TRPA1: variants seen among roughly 807,000 people sequenced by gnomAD.
TRPA1 encodes the protein transient receptor potential cation channel subfamily A member 1, also known as ankyrin-like with transmembrane domains 1.
Under a neutral mutation model 131.3 loss-of-function variants are expected in TRPA1, and 129 were observed. The ratio of observed to expected loss-of-function variants is 0.98; its 90% CI spans 0.85 to 1.14. TRPA1 has a LOEUF of 1.14. Among genes scored for constraint, TRPA1 ranks in the 50% most tolerant of loss-of-function variants. The probability of loss-of-function intolerance (pLI) is 0.00; values close to 1 mark genes in which losing one functional copy is unlikely to be tolerated. For synonymous variants in TRPA1, 441 were observed against 451.7 expected (o/e 0.98, Z 0.30); for missense variants, 1,304 against 1,354.2 (o/e 0.96, Z 0.58).
intron 14 of TRPA1, among the ~76,000 whole-genome samples, chr8:72,052,249 A>G (rs950647314): frequency 3.3e-5 from 5 of 152,082 alleles, no homozygotes; most frequent in African/African-American, 1.2e-4. Context: ...AGGTGAAACC[A>G]CGTCTCAATG....
intron 24 of TRPA1, 131 bp from the exon 25 acceptor site, chr8:72,026,204 G>A (rs1174890826): frequency 1.4e-6 from 1 of 714,672 alleles, no homozygotes; most frequent in Non-Finnish European, 2.4e-6. Flanking sequence ...GCCACAGCTG[G>A]GCTGGCCAGG....
chr8:72,036,368 T>G lies in TRPA1; in HGVS notation c.2475A>C (p.Glu825Asp). The G allele has an allele frequency of 6.2e-7, 1 of 1,614,166 alleles. No individual in the cohort carries two copies. Among genetic ancestry groups the G allele is most frequent in the Non-Finnish European group, 8.5e-7 (1 of 1,180,008 alleles). Residue 825 changes from glutamate to aspartate, a missense_variant, in exon 21 of 27, where the codon GAA (glutamate) becomes GAC (aspartate). Coordinates refer to ENST00000262209, the MANE Select transcript of TRPA1 (RefSeq NM_007332.3). Reference protein sequence around the residue: ...GIIFVLPLFVEIPAHLQWQCG... With the variant: ...GIIFVLPLFVDIPAHLQWQCG... ...ATTGCCACTGCAGATGAGCTGGTATTTCAACAAACAAGGGCAGCACAAAAA... is the reference window on the plus strand; with the variant it reads ...ATTGCCACTGCAGATGAGCTGGTATGTCAACAAACAAGGGCAGCACAAAAA...
upstream of TRPA1, among the ~76,000 whole-genome samples, chr8:72,076,001 A>G (rs187283846): frequency 3.6e-4 from 55 of 152,128 alleles, no homozygotes; most frequent in African/African-American, 1.3e-3. Flanking sequence ...TTCTAACTAA[A>G]ATCCTACAGA....
At chr8:72,075,951 A>C (rs1391824965), upstream of TRPA1, among the ~76,000 whole-genome samples, 1 of 150,748 alleles carries the variant, frequency 6.6e-6, no homozygotes, top group Non-Finnish European at 1.5e-5. Context: ...AGAGGGAATG[A>C]CTGGGTATAT....
In TRPA1 at chr8:72,071,711, C is replaced by T. The variant is rs1487702085; in HGVS notation, c.268G>A (p.Val90Met). The T allele has an allele frequency of 1.9e-6, 3 of 1,613,372 alleles. No homozygotes were observed. Among genetic ancestry groups the T allele is most frequent in the Admixed American group, 1.7e-5 (1 of 59,968 alleles). ...AAGATGAATTGTAATATTTTGTTACCTTCCAAAGAGGAATCTCTGGTGATC... is the reference window on the plus strand; with the variant it reads ...AAGATGAATTGTAATATTTTGTTACTTTCCAAAGAGGAATCTCTGGTGATC... ...EKITRDSSLEVLHEMDDYGNT... is the reference protein window; with the variant it reads ...EKITRDSSLEMLHEMDDYGNT... The change falls in exon 2 of 27, where the codon GTG becomes ATG. Residue 90 changes from valine (V) to methionine (M), a missense_variant and splice_region_variant. Transcript: ENST00000262209.
chr8:72,062,339 CT>C (rs1390039618), intron 6 of TRPA1: 5 of 179,978 alleles, frequency 2.8e-5, no homozygotes, highest in African/African-American at 1.2e-4. Flanking sequence ...GAACTCTCCA[CT>C]TTTGGTCAGA....
upstream of TRPA1, among the ~76,000 whole-genome samples, chr8:72,080,050 T>C (rs1199214784): frequency 6.6e-6 from 1 of 151,956 alleles, no homozygotes; most frequent in Non-Finnish European, 1.5e-5. Flanking sequence ...AGTAGATTTT[T>C]AAGAGACTTT....
rs1485373119 is a variant in TRPA1, at chr8:72,032,381, C to T, written c.2868+1263G>A. 3.3e-5 allele frequency among the ~76,000 whole-genome samples: 5 copies of T among 152,094 alleles called. No homozygotes were observed. In the East Asian group the frequency reaches 5.8e-4, roughly 18 times the overall value. Reference sequence around the variant, plus strand: ...AGGAACTATGGCAGTCCAAGCCAACCGGAAGCAGATGTGACAGCCAAAGAA... The same window carrying T: ...AGGAACTATGGCAGTCCAAGCCAACTGGAAGCAGATGTGACAGCCAAAGAA... On this transcript the variant is annotated intron_variant, in intron 23 of 26. Coordinates refer to ENST00000262209, the MANE Select transcript of TRPA1 (RefSeq NM_007332.3).
chr8:72,053,384 A>G (rs1180669751), intron 13 of TRPA1: 1 of 307,762 alleles, frequency 3.2e-6, no homozygotes, highest in African/African-American at 2.2e-5. Flanking sequence ...ACATAATAGC[A>G]CAATAAAGGG....
At chr8:72,085,203 T>G in the TRPA1 span, among the ~76,000 whole-genome samples, 1 of 152,200 alleles carries the variant, frequency 6.6e-6, no homozygotes, top group South Asian at 2.1e-4. Context: ...TTGTTGAGAT[T>G]CTATCGTCCA....
chr8:72,073,783 C>T (rs1404659689), intron 1 of TRPA1, among the ~76,000 whole-genome samples: 2 of 152,184 alleles, frequency 1.3e-5, no homozygotes, highest in South Asian at 2.1e-4. Context: ...AAAATTTCTT[C>T]CTGTACCATA....
chr8:72,064,228 A>T (rs1441750558), intron 4 of TRPA1, among the ~76,000 whole-genome samples: 1 of 148,210 alleles, frequency 6.7e-6, no homozygotes, highest in African/African-American at 2.5e-5. Flanking sequence ...GTATCAGTTT[A>T]CTCTATACAT....
At chr8:72,065,357 G>T in intron 4 of TRPA1, 94 bp downstream of exon 4, 1 of 1,167,524 alleles carries the variant, frequency 8.6e-7, no homozygotes, top group Non-Finnish European at 1.2e-6. Flanking sequence ...ATTTTTCTAA[G>T]GAGAAAAACT....
At chr8:72,033,975 A>C in intron 22 of TRPA1, 149 bp from the exon 23 acceptor site, 2 of 831,758 alleles carry the variant, frequency 2.4e-6, no homozygotes, top group South Asian at 3.1e-5. Context: ...AAAATATAGT[A>C]AACATGGTAA....
chr8:72,055,774 G>A lies in TRPA1; in HGVS notation c.1276C>T (p.Pro426Ser). The A allele has an allele frequency of 6.2e-7, 1 of 1,612,718 alleles. No homozygotes were observed. The highest frequency in any genetic ancestry group is 8.5e-7 in the Non-Finnish European group (1 of 1,179,110). ...CCAAGTAGGTTATTTACAGAACCAG[G>A]GCCCCCCTGTCTACATGCATAATGT... ...PLHYACRQGG[P>S]GSVNNLLGFN... Residue 426 changes from proline (P) to serine (S), a missense_variant, in exon 11 of 27, where the codon CCT becomes TCT. Coordinates refer to ENST00000262209, the MANE Select transcript of TRPA1 (RefSeq NM_007332.3).
At chr8:72,087,860 T>A in the TRPA1 span, among the ~76,000 whole-genome samples, 79 of 152,280 alleles carry the variant, frequency 5.2e-4, no homozygotes, top group African/African-American at 1.8e-3. Context: ...TCCACTTACC[T>A]CCTCTAGTCA....
rs563688093 is a variant in TRPA1 at position 72,021,435 on chromosome 8, T to G, written c.*1471A>C. ...TCAGGAGATCTTTGGATATTGCTTC[T>G]GTATAGTGATTTTCCACCCTTTCTG... On this transcript the variant is annotated 3_prime_UTR_variant, in exon 27 of 27. Coordinates refer to ENST00000262209, the MANE Select transcript of TRPA1 (RefSeq NM_007332.3). 6.6e-6 allele frequency: 1 copy of G among 152,308 alleles called. No individual in the cohort carries two copies. The highest frequency in any genetic ancestry group is 1.5e-5 in the Non-Finnish European group (1 of 68,028). 9.4% of individuals were successfully genotyped at this position (152,308 alleles called of 1,614,324 possible).
intron 24 of TRPA1, among the ~76,000 whole-genome samples, chr8:72,028,895 A>G (rs1312108670): frequency 6.6e-6 from 1 of 152,248 alleles, no homozygotes; most frequent in Non-Finnish European, 1.5e-5. Context: ...AAGAGTGAAT[A>G]GAAAGTTATA....
At chr8:72,077,091 T>G (rs1806202202), upstream of TRPA1, among the ~76,000 whole-genome samples, 1 of 152,178 alleles carries the variant, frequency 6.6e-6, no homozygotes, top group African/African-American at 2.4e-5. Context: ...ATAGGAATAT[T>G]AAGACTTTTT....
Sources: gnomAD v4.1 joint callset for allele counts (sites outside exome capture counted in the v4.1 genomes callset) on GRCh38, gnomAD v4.1.1 for gene constraint, MANE v1.5 for transcripts, NCBI Gene and HGNC (gene_info 2026-07-23, HGNC 2026-07-21) for gene names.